SORCS2: variants seen among roughly 807,000 people sequenced by gnomAD.
SORCS2 encodes VPS10 domain-containing receptor SorCS2.
A neutral mutation model predicts 141.6 loss-of-function variants in SORCS2; 100 were observed. The observed-to-expected ratio is 0.71, with a 90% CI of 0.60 to 0.83. SORCS2 has a LOEUF of 0.83. Ranked by LOEUF, SORCS2 falls within the 40% of genes least tolerant of loss-of-function variation. The pLI is 0.00. For missense variants in SORCS2, 1,646 were observed against 1,560.2 expected, an observed-to-expected ratio of 1.05 and a Z score of -0.93; for synonymous variants, 789 against 676.9, an observed-to-expected ratio of 1.17 and a Z score of -2.57.
At chr4:7,586,521 A>T (rs953192131) in intron 3 of SORCS2, among the ~76,000 whole-genome samples, 3 of 152,040 alleles carry the variant, frequency 2.0e-5, no homozygotes, top group African/African-American at 7.2e-5. Context: ...TATTTCCCCC[A>T]CACTGTGTCC....
intron 2 of SORCS2, among the ~76,000 whole-genome samples, chr4:7,452,050 C>A (rs1313762311): frequency 6.6e-6 from 1 of 152,186 alleles, no homozygotes; most frequent in Non-Finnish European, 1.5e-5. Flanking sequence ...CTCTGCACAG[C>A]CTTCCCCTCA....
Position 7,638,455 on chromosome 4 carries a change from A to G in SORCS2, c.776A>G (p.Glu259Gly), listed in dbSNP as rs1720415965. 1.2e-6 allele frequency: 2 copies of G among 1,611,240 alleles called. No individual in the cohort carries two copies. Among genetic ancestry groups the G allele is most frequent in the South Asian group, 1.1e-5 (1 of 90,854 alleles). The change falls in exon 4 of 27, where the codon GAG becomes GGG. Residue 259 changes from glutamate to glycine, a missense_variant. Glu to Gly is a moderately conservative substitution (Grantham distance 98). Coordinates refer to ENST00000507866, the MANE Select transcript of SORCS2 (RefSeq NM_020777.3). Reference protein sequence around the residue: ...FVETLIFHPKEEDKVLAYTKE... With the variant: ...FVETLIFHPKGEDKVLAYTKE... ...GAAACTCTGATTTTCCACCCTAAGG[A>G]GGAGGACAAGGTCCTCGCCTACACA...
chr4:7,406,485 A>G (rs1724979380), intron 2 of SORCS2, among the ~76,000 whole-genome samples: 1 of 151,098 alleles, frequency 6.6e-6, no homozygotes, highest in Non-Finnish European at 1.5e-5. Context: ...GTGTCCAGGA[A>G]TTTATCCATT....
chr4:7,537,693 GC>G, intron 3 of SORCS2, among the ~76,000 whole-genome samples: 1 of 152,290 alleles, frequency 6.6e-6, no homozygotes, highest in African/African-American at 2.4e-5. Flanking sequence ...GAATCTCTCT[GC>G]TGCAAGTTTA....
At chr4:7,542,754 G>A (rs4315787) in intron 3 of SORCS2, among the ~76,000 whole-genome samples, 136,942 of 152,282 alleles carry the variant, frequency 0.9, 61,988 homozygotes, top group East Asian at 0.99. Context: ...AATGATCAGC[G>A]ATGTGGTTGC....
intron 2 of SORCS2, among the ~76,000 whole-genome samples, chr4:7,472,864 C>G (rs374121899): frequency 9.2e-5 from 14 of 151,668 alleles, no homozygotes; most frequent in African/African-American, 3.1e-4. Flanking sequence ...TGCCTTCGCT[C>G]AGATGGTGAA....
chr4:7,444,577 C>T (rs1051586212), intron 2 of SORCS2, among the ~76,000 whole-genome samples: 13 of 152,152 alleles, frequency 8.5e-5, no homozygotes, highest in Non-Finnish European at 8.8e-5. Context: ...GAGCAGAAGG[C>T]GCCACGGTCA....
At chr4:7,270,719 A>G (rs758553823) in intron 1 of SORCS2, among the ~76,000 whole-genome samples, 3 of 152,248 alleles carry the variant, frequency 2.0e-5, no homozygotes, top group Non-Finnish European at 4.4e-5. Context: ...CAAAATACAG[A>G]TTTCGTTTTC....
intron 1 of SORCS2, among the ~76,000 whole-genome samples, chr4:7,343,819 C>G (rs943936999): frequency 6.6e-6 from 1 of 152,228 alleles, no homozygotes; most frequent in African/African-American, 2.4e-5. Flanking sequence ...AAGCACCTGA[C>G]TTCCTTCTAG....
intron 3 of SORCS2, among the ~76,000 whole-genome samples, chr4:7,576,218 A>G (rs979917534): frequency 2.0e-5 from 3 of 152,230 alleles, no homozygotes; most frequent in South Asian, 4.1e-4. Context: ...GTTCCAGCAA[A>G]GACAAAGCCA....
chr4:7,689,554 C>A lies in SORCS2; in HGVS notation c.1557C>A (p.Thr519=), dbSNP rs748624859. The A allele has an allele frequency of 1.2e-5, 19 of 1,605,208 alleles. No homozygotes were observed. In the South Asian group the frequency reaches 2.1e-4, roughly 18 times the overall value. ...DNPYVSGTVH[T]KDTAPGLIMG... Reference sequence around the variant, plus strand: ...CCTACGTATCAGGCACCGTGCACACCAAGGACACCGCCCCAGGCCTCATCA... The same window carrying A: ...CCTACGTATCAGGCACCGTGCACACAAAGGACACCGCCCCAGGCCTCATCA... The change falls in exon 11 of 27, where the codon ACC becomes ACA. Residue 519 remains threonine, a synonymous_variant. Coordinates refer to ENST00000507866, the MANE Select transcript of SORCS2 (RefSeq NM_020777.3).
chr4:7,641,976 ATGG>A (rs1442402550), intron 4 of SORCS2, among the ~76,000 whole-genome samples: 2 of 141,596 alleles, frequency 1.4e-5, no homozygotes, highest in Non-Finnish European at 3.1e-5. Context: ...GGATGGGTGG[ATGG>A]TGGATGGATG....
chr4:7,556,013 A>C (rs563795133), intron 3 of SORCS2, among the ~76,000 whole-genome samples: 4 of 152,360 alleles, frequency 2.6e-5, no homozygotes, highest in African/African-American at 7.2e-5. Flanking sequence ...TCAACACTCA[A>C]CTCACATCGC....
chr4:7,615,529 T>C (rs554171066), intron 3 of SORCS2, among the ~76,000 whole-genome samples: 2 of 152,274 alleles, frequency 1.3e-5, no homozygotes, highest in South Asian at 4.1e-4. Flanking sequence ...AAGAGGGACA[T>C]GGTTACATAC....
At chr4:7,410,806 AT>A (rs5855961) in intron 2 of SORCS2, among the ~76,000 whole-genome samples, 7,746 of 152,190 alleles carry the variant, frequency 0.051, 266 homozygotes, top group African/African-American at 0.094. Context: ...TGAATCAATG[AT>A]TTGATGAGGT....
intron 3 of SORCS2, among the ~76,000 whole-genome samples, chr4:7,596,372 C>T (rs890271527): frequency 6.6e-6 from 1 of 152,148 alleles, no homozygotes; most frequent in Non-Finnish European, 1.5e-5. Context: ...GCTTTTGACT[C>T]ATGCTGCTTT....
At chr4:7,639,726 G>A (rs536390366) in intron 4 of SORCS2, among the ~76,000 whole-genome samples, 2 of 148,980 alleles carry the variant, frequency 1.3e-5, no homozygotes, top group South Asian at 4.3e-4. Context: ...CCTGTGAGTG[G>A]GTGTGGGTGT....
rs1428556254 is a variant in SORCS2 at position 7,695,913 on chromosome 4, TGGA to T, written c.1592-1284_1592-1282del. On this transcript the variant is annotated intron_variant, in intron 11 of 26. Transcript: ENST00000507866. ...ATGGATGGATGGATGGATGGATGGA[TGGA>T]TGGATGGATTGGTGGGTGGGTGGGT... Among the ~76,000 whole-genome samples, 45 of 138,336 alleles carry T rather than the reference TGGA, an allele frequency of 3.3e-4. 2 individuals carry two copies. Among genetic ancestry groups the T allele is most frequent in the East Asian group, 8.7e-4 (4 of 4,620 alleles). The allele number at this position is 138,336 out of a possible 152,430, so 90.8% of individuals were successfully genotyped here. A position where few individuals can be genotyped will look rare whatever the true frequency, so the allele number is the denominator to read the frequency against.
chr4:7,245,990 C>A (rs564215252), intron 1 of SORCS2, among the ~76,000 whole-genome samples: 1 of 152,180 alleles, frequency 6.6e-6, no homozygotes, highest in Non-Finnish European at 1.5e-5. Flanking sequence ...GTGATACTCC[C>A]GGGGTGCATT....
Sources: gnomAD v4.1 joint callset for allele counts (sites outside exome capture counted in the v4.1 genomes callset) on GRCh38, gnomAD v4.1.1 for gene constraint, MANE v1.5 for transcripts, NCBI Gene and HGNC (gene_info 2026-07-23, HGNC 2026-07-21) for gene names.